Variants in SMYD4 observed in about 807,000 individuals in gnomAD.
SMYD4 encodes the protein SET and MYND domain containing 4.
SMYD4 carries 68 observed loss-of-function variants against 72.8 expected under a neutral mutation model. The ratio of observed to expected loss-of-function variants is 0.93; its 90% CI spans 0.77 to 1.14. SMYD4 has a LOEUF of 1.14. Among genes scored for constraint, SMYD4 ranks in the 50% most tolerant of loss-of-function variants. SMYD4 has a pLI of 0.00. For synonymous variants in SMYD4, 407 were observed against 388.6 expected (o/e 1.05, Z -0.56); for missense variants, 984 against 1,003.7 (o/e 0.98, Z 0.27).
chr17:1,796,849 T>G (rs1361778146), intron 5 of SMYD4, among the ~76,000 whole-genome samples: 1 of 152,138 alleles, frequency 6.6e-6, no homozygotes, highest in Non-Finnish European at 1.5e-5. Flanking sequence ...GTAAAGTATA[T>G]TAAAAAATAC....
At chr17:1,806,475 A>C (rs1381638887) in intron 3 of SMYD4, among the ~76,000 whole-genome samples, 5 of 152,194 alleles carry the variant, frequency 3.3e-5, no homozygotes, top group Admixed American at 3.3e-4. Context: ...TAAGATGACA[A>C]CCAGTAAATC....
intron 5 of SMYD4, among the ~76,000 whole-genome samples, chr17:1,795,749 T>TTC (rs1448976432): frequency 6.9e-6 from 1 of 145,976 alleles, no homozygotes; most frequent in South Asian, 2.1e-4. Context: ...GCCCGTGAGT[T>TTC]TTTTTTTTTT....
intron 5 of SMYD4, among the ~76,000 whole-genome samples, chr17:1,796,991 AG>A (rs1909441274): frequency 6.6e-6 from 1 of 152,228 alleles, no homozygotes; most frequent in African/African-American, 2.4e-5. Flanking sequence ...GTGATTTAGT[AG>A]TATCATGGGA....
chr17:1,784,648 G>A, intron 7 of SMYD4, 187 bp from the exon 8 acceptor site: 1 of 856,730 alleles, frequency 1.2e-6, no homozygotes, highest in Non-Finnish European at 1.4e-6. Flanking sequence ...TTCTAATGAA[G>A]TGTATCAGCA....
At chr17:1,818,380 A>G (rs764462152) in intron 2 of SMYD4, among the ~76,000 whole-genome samples, 11 of 152,178 alleles carry the variant, frequency 7.2e-5, no homozygotes, top group Non-Finnish European at 1.5e-4. Context: ...TCTCTAAGCC[A>G]TTTGAAAGTA....
Position 1,812,123 on chromosome 17 carries a change from A to G in SMYD4, c.135-8T>C, listed in dbSNP as rs1259162674. On this transcript the variant is annotated splice_region_variant and splice_polypyrimidine_tract_variant and intron_variant, in intron 2 of 10. Transcript: ENST00000305513. ...AACAGCTCATCCTCAGGTCTGCATG[A>G]AGAAAGGAGGAAACAAAGTAAGCAG... 1 of 1,610,352 alleles carries G rather than the reference A, an allele frequency of 6.2e-7. No homozygotes were observed. The highest frequency in any genetic ancestry group is 1.7e-5 in the Admixed American group (1 of 58,874).
intron 10 of SMYD4, chr17:1,781,855 C>T (rs1337145199): frequency 1.2e-5 from 2 of 170,522 alleles, no homozygotes; most frequent in Non-Finnish European, 2.5e-5. Flanking sequence ...CTGGTATTTA[C>T]CACAGGTTTA....
At chr17:1,786,722 C>T in intron 7 of SMYD4, 88 bp downstream of exon 7, 2 of 1,531,624 alleles carry the variant, frequency 1.3e-6, no homozygotes, top group Non-Finnish European at 1.8e-6. Context: ...ACTTACAAGT[C>T]CCTGATGGCT....
chr17:1,787,611 G>A lies in SMYD4; in HGVS notation c.1538-7C>T. 6.4e-6 allele frequency: 10 copies of A among 1,573,534 alleles called. No individual in the cohort carries two copies. Among genetic ancestry groups the A allele is most frequent in the Non-Finnish European group, 8.6e-6 (10 of 1,159,382 alleles). On this transcript the variant is annotated splice_region_variant and splice_polypyrimidine_tract_variant and intron_variant, in intron 5 of 10. Coordinates refer to ENST00000305513, the MANE Select transcript of SMYD4 (RefSeq NM_052928.3). ...ACGATGCTCCCTTTAGGTCCTGAAA[G>A]GGCAAGAGGAAAGAAGGAAAAAGGT...
chr17:1,793,400 T>C (rs1280443494), intron 5 of SMYD4, among the ~76,000 whole-genome samples: 1 of 152,086 alleles, frequency 6.6e-6, no homozygotes, highest in Admixed American at 6.6e-5. Flanking sequence ...GAGTATTTTT[T>C]TTTTTTCTGC....
chr17:1,782,767 CTT>C (rs35909616), intron 10 of SMYD4: 873 of 170,456 alleles, frequency 5.1e-3, no homozygotes, highest in Middle Eastern at 0.014. Context: ...GGAGGAAATT[CTT>C]TTTTTTTTTT....
At chr17:1,812,899 A>T (rs1199907358) in intron 2 of SMYD4, among the ~76,000 whole-genome samples, 1 of 151,354 alleles carries the variant, frequency 6.6e-6, no homozygotes. Flanking sequence ...TTTATCTCAT[A>T]ATTATTGGCC....
At chr17:1,814,551 T>C (rs1167840483) in intron 2 of SMYD4, 1 of 152,084 alleles carries the variant, frequency 6.6e-6, no homozygotes, top group African/African-American at 2.4e-5. Context: ...TAGGGCTGGG[T>C]GCAGTGGCTT....
intron 2 of SMYD4, among the ~76,000 whole-genome samples, chr17:1,815,682 G>T (rs1160180141): frequency 1.4e-5 from 2 of 145,638 alleles, no homozygotes; most frequent in Non-Finnish European, 3.0e-5. Context: ...AATTGAGGTA[G>T]TAAGATGGAA....
At chr17:1,787,722 C>G in intron 5 of SMYD4, 118 bp from the exon 6 acceptor site, 1 of 1,016,342 alleles carries the variant, frequency 9.8e-7, no homozygotes, top group Non-Finnish European at 1.4e-6. Context: ...AGTCATGGCT[C>G]CACAGCCAGA....
Position 1,800,833 on chromosome 17 carries a change from C to T in SMYD4, c.561G>A (p.Leu187=), listed in dbSNP as rs756183034. The change falls in exon 5 of 11, where the codon CTG becomes CTA. Residue 187 remains leucine, a synonymous_variant. Coordinates refer to ENST00000305513, the MANE Select transcript of SMYD4 (RefSeq NM_052928.3). ...TTTTCAGACGATGGAGGTTTCTCTG[C>T]AGAGTCTGAGGGAGGACATCTGCTA... ...PALADVLPQT[L]QRNLHRLKMK... 4 of 1,614,180 alleles carry T rather than the reference C, an allele frequency of 2.5e-6. No homozygotes were observed. The Admixed American group carries it at 6.7e-5, about 27-fold the overall frequency.
intron 5 of SMYD4, among the ~76,000 whole-genome samples, chr17:1,795,409 AT>A (rs1909342372): frequency 9.1e-5 from 1 of 10,962 alleles, no homozygotes. Flanking sequence ...TCTCAGCTCT[AT>A]CTATCTATCT....
In SMYD4 at chr17:1,826,514, A is replaced by AAAAAG. The variant is rs1597402713; in HGVS notation, c.134+1342_134+1346dup. ...TCCAAAAAAAAAAAAAAAAAAAAAAAAAAAGAAAAGAAAAGAAAAGAAATG... is the reference window on the plus strand; with the variant it reads ...TCCAAAAAAAAAAAAAAAAAAAAAAAAAAAGAAAAGAAAAGAAAAGAAAAGAAATG... On this transcript the variant is annotated intron_variant, in intron 2 of 10. Coordinates refer to ENST00000305513, the MANE Select transcript of SMYD4 (RefSeq NM_052928.3). Among the ~76,000 whole-genome samples the AAAAAG allele has an allele frequency of 4.6e-3, 490 of 105,550 alleles. 8 individuals carry two copies. Among genetic ancestry groups the AAAAAG allele is most frequent in the African/African-American group, 0.014 (443 of 31,780 alleles). 69.2% of individuals were successfully genotyped at this position (105,550 alleles called of 152,430 possible). A position where few individuals can be genotyped will look rare whatever the true frequency, so the allele number is the denominator to read the frequency against.
At chr17:1,824,224 C>T (rs954868271) in intron 2 of SMYD4, among the ~76,000 whole-genome samples, 2 of 152,066 alleles carry the variant, frequency 1.3e-5, no homozygotes, top group Non-Finnish European at 2.9e-5. Flanking sequence ...GTGCCTGTAA[C>T]CCTAGCTACT....
Sources: allele counts gnomAD v4.1 joint callset (sites outside exome capture counted in the v4.1 genomes callset), GRCh38; gene constraint gnomAD v4.1.1; transcripts MANE v1.5; gene names NCBI Gene and HGNC (gene_info 2026-07-23, HGNC 2026-07-21).